The following CYFIP1 variants were observed in gnomAD, a reference collection of about 807,000 sequenced individuals.
CYFIP1 encodes cytoplasmic FMR1-interacting protein 1.
CYFIP1 carries 58 observed loss-of-function variants against 163.5 expected under a neutral mutation model. The observed-to-expected ratio is 0.35, with a 90% CI of 0.29 to 0.44. CYFIP1 has a LOEUF of 0.44. CYFIP1 is among the 20% of genes least tolerant of loss of function. The pLI is 1.00. For missense variants in CYFIP1, 1,338 were observed against 1,653.8 expected, an observed-to-expected ratio of 0.81 and a Z score of 3.31; for synonymous variants, 663 against 660.7, an observed-to-expected ratio of 1.00 and a Z score of -0.05.
intron 8 of CYFIP1, among the ~76,000 whole-genome samples, chr15:22,938,785 C>A (rs895607362): frequency 5.3e-5 from 8 of 151,906 alleles, no homozygotes; most frequent in African/African-American, 1.9e-4. Flanking sequence ...CACCTGTAGT[C>A]CCAGCTACTT....
intron 1 of CYFIP1, 156 bp from the exon 2 acceptor site, chr15:22,947,447 G>A (rs1016012844): frequency 9.8e-7 from 1 of 1,020,908 alleles, no homozygotes; most frequent in Non-Finnish European, 1.4e-6. Flanking sequence ...GGAGTTGCGT[G>A]TCTCTCTCAG....
At position 22,934,034 on chromosome 15, in the gene CYFIP1, ATAAG is replaced by A. The variant is rs773277658; in HGVS notation, c.901-145_901-142del. ...AATGATTCATTACAAAAAAAAAACT[ATAAG>A]TAACTTCTACATTCGCTTTGAGAGG... On this transcript the variant is annotated intron_variant, in intron 9 of 30. Transcript: ENST00000617928. 30 of 586,798 alleles carry A rather than the reference ATAAG, an allele frequency of 5.1e-5. No individual in the cohort carries two copies. The East Asian group carries it at 6.5e-4, about 13-fold the overall frequency. 36.3% of individuals were successfully genotyped at this position (586,798 alleles called of 1,614,324 possible).
At chr15:22,932,784 T>A (rs1338933990) in intron 10 of CYFIP1, among the ~76,000 whole-genome samples, 1 of 152,142 alleles carries the variant, frequency 6.6e-6, no homozygotes, top group African/African-American at 2.4e-5. Flanking sequence ...CAGTTTAGGA[T>A]TTAGGGCCAC....
At chr15:22,937,344 G>A in intron 8 of CYFIP1, 136 bp from the exon 9 acceptor site, 1 of 606,668 alleles carries the variant, frequency 1.6e-6, no homozygotes, top group African/African-American at 1.9e-5. Context: ...TCTTTAGGCT[G>A]CTTGTCTGGT....
chr15:22,873,013 AC>A (rs745617760), intron 29 of CYFIP1, 41 bp from the exon 30 acceptor site: 4 of 1,608,346 alleles, frequency 2.5e-6, no homozygotes, highest in Non-Finnish European at 3.4e-6. Flanking sequence ...GATGAGTGAT[AC>A]GTTATGAAGT....
At chr15:22,931,826 T>C (rs2061548690) in intron 11 of CYFIP1, among the ~76,000 whole-genome samples, 1 of 151,648 alleles carries the variant, frequency 6.6e-6, no homozygotes, top group Non-Finnish European at 1.5e-5. Flanking sequence ...TATACAACGG[T>C]GGTCCCATAA....
At chr15:22,897,120 G>A (rs922871934) in intron 22 of CYFIP1, among the ~76,000 whole-genome samples, 2 of 152,046 alleles carry the variant, frequency 1.3e-5, no homozygotes, top group African/African-American at 2.4e-5. Flanking sequence ...GGCTGAGGCA[G>A]GAGAATCACT....
At position 22,870,005 on chromosome 15, in the gene CYFIP1, G is replaced by GT; in HGVS notation, c.*22dup. 6.4e-7 allele frequency: 1 copy of GT among 1,557,588 alleles called. No homozygotes were observed. The highest frequency in any genetic ancestry group is 8.6e-7 in the Non-Finnish European group (1 of 1,157,598). Reference sequence around the variant, plus strand: ...CGGAGAGAAAGGCATGCCATGTTGAGTTACGGAGTGCAGCGCGTGCCCTCA... The same window carrying GT: ...CGGAGAGAAAGGCATGCCATGTTGAGTTTACGGAGTGCAGCGCGTGCCCTCA... On this transcript the variant is annotated 3_prime_UTR_variant, in exon 31 of 31. Coordinates refer to ENST00000617928, the MANE Select transcript of CYFIP1 (RefSeq NM_014608.6).
chr15:22,964,855 C>T (rs775212092), intron 1 of CYFIP1, among the ~76,000 whole-genome samples: 9 of 152,136 alleles, frequency 5.9e-5, no homozygotes, highest in African/African-American at 1.2e-4. Context: ...TTATTTGCAG[C>T]GACCCTCATT....
At position 22,974,837 on chromosome 15, in the gene CYFIP1, T is replaced by C. The variant is rs146693574; in HGVS notation, c.-7+5450A>G. Among the ~76,000 whole-genome samples the C allele has an allele frequency of 6.0e-3, 912 of 152,290 alleles. 9 individuals carry two copies. The highest frequency in any genetic ancestry group is 0.017 in the African/African-American group (721 of 41,566). On this transcript the variant is annotated intron_variant, in intron 1 of 30. Coordinates refer to ENST00000617928, the MANE Select transcript of CYFIP1 (RefSeq NM_014608.6). ...CCTGAAACAACACGTGTTTGAACCATGCGGGTCCACTTATTTGCAGACTTT... is the reference window on the plus strand; with the variant it reads ...CCTGAAACAACACGTGTTTGAACCACGCGGGTCCACTTATTTGCAGACTTT...
At chr15:22,893,939 G>A (rs1203987055) in intron 22 of CYFIP1, among the ~76,000 whole-genome samples, 3 of 152,164 alleles carry the variant, frequency 2.0e-5, no homozygotes, top group African/African-American at 4.8e-5. Flanking sequence ...GTGTCCCTGC[G>A]CCTGTGTTCT....
At chr15:22,939,531 C>T (rs769639425) in intron 6 of CYFIP1, 24 bp from the exon 7 acceptor site, 41 of 1,303,142 alleles carry the variant, frequency 3.1e-5, no homozygotes, top group Non-Finnish European at 4.1e-5. Context: ...AAGAATTCAT[C>T]CCAAAATGCA....
intron 6 of CYFIP1, among the ~76,000 whole-genome samples, chr15:22,941,902 G>A (rs891691212): frequency 3.3e-5 from 5 of 152,118 alleles, no homozygotes; most frequent in Non-Finnish European, 5.9e-5. Flanking sequence ...CCAAAACGGC[G>A]GCTGAGAAGG....
rs771703298 is a variant in CYFIP1 at position 22,932,239 on chromosome 15, C to T, written c.1094G>A (p.Arg365His). Residue 365 changes from arginine (R) to histidine (H), a missense_variant, in exon 11 of 31, where the codon CGC (arginine) becomes CAC (histidine). By Grantham distance (29) the Arg-to-His change is conservative. Coordinates refer to ENST00000617928, the MANE Select transcript of CYFIP1 (RefSeq NM_014608.6). ...GGGGCGCACCTCGCTGTTGCTGTAG[C>T]GCGCCAGCTCCGAAATGAAGCGCAT... The part of the protein sequence containing the change: ...DHMRFISELA[R>H]YSNSEVVTGS... 3 of 1,611,260 alleles carry T rather than the reference C, an allele frequency of 1.9e-6. No individual in the cohort carries two copies. The highest frequency in any genetic ancestry group is 1.3e-5 in the African/African-American group (1 of 74,920).
intron 22 of CYFIP1, among the ~76,000 whole-genome samples, chr15:22,895,049 C>G (rs113404276): frequency 0.069 from 10,305 of 148,710 alleles, 440 homozygotes; most frequent in East Asian, 0.17. Flanking sequence ...GAGTCTTGCT[C>G]TGTCGCCCAG....
At chr15:22,927,483 C>CA (rs1188331935) in intron 12 of CYFIP1, among the ~76,000 whole-genome samples, 4,622 of 55,764 alleles carry the variant, frequency 0.083, 404 homozygotes, top group African/African-American at 0.21. Flanking sequence ...AACTCCGTCT[C>CA]AAAAAAAAAA....
intron 1 of CYFIP1, among the ~76,000 whole-genome samples, chr15:22,965,636 A>G (rs926171925): frequency 6.6e-6 from 1 of 152,230 alleles, no homozygotes; most frequent in African/African-American, 2.4e-5. Flanking sequence ...TTCTCAGAAC[A>G]TATCCCTGTT....
intron 1 of CYFIP1, among the ~76,000 whole-genome samples, chr15:22,974,662 G>A (rs1383829953): frequency 2.0e-5 from 3 of 152,028 alleles, no homozygotes; most frequent in Admixed American, 1.3e-4. Context: ...CCCAGGAGGC[G>A]GAGGTTGCAG....
chr15:22,897,043 T>C lies in CYFIP1; in HGVS notation c.2589-4066A>G, dbSNP rs978520630. Reference sequence around the variant, plus strand: ...GCCTGGCCAACATGGTGAAACCCCATGTCTACTAAAAATACAAAAGTTAGC... The same window carrying C: ...GCCTGGCCAACATGGTGAAACCCCACGTCTACTAAAAATACAAAAGTTAGC... On this transcript the variant is annotated intron_variant, in intron 22 of 30. Coordinates refer to ENST00000617928, the MANE Select transcript of CYFIP1 (RefSeq NM_014608.6). 2.6e-5 allele frequency among the ~76,000 whole-genome samples: 4 copies of C among 152,064 alleles called. 1 individual carries two copies. Among genetic ancestry groups the C allele is most frequent in the African/African-American group, 4.8e-5 (2 of 41,378 alleles).
Sources: allele counts gnomAD v4.1 joint callset (sites outside exome capture counted in the v4.1 genomes callset), GRCh38; gene constraint gnomAD v4.1.1; transcripts MANE v1.5; gene names NCBI Gene and HGNC (gene_info 2026-07-23, HGNC 2026-07-21).